The following CNTN1 variants were observed in gnomAD, a reference collection of about 807,000 sequenced individuals.
CNTN1 encodes the protein contactin 1.
A neutral mutation model predicts 126.4 loss-of-function variants in CNTN1; 38 were observed. The ratio of observed to expected loss-of-function variants is 0.30; its 90% CI spans 0.23 to 0.39. The LOEUF (loss-of-function observed/expected upper bound fraction) is 0.39, where lower values mean the gene tolerates loss of function less well. Among genes scored for constraint, CNTN1 ranks in the 10% least tolerant of loss-of-function variants. CNTN1 has a pLI of 1.00. For synonymous variants in CNTN1, 413 were observed against 422.6 expected (o/e 0.98, Z 0.28); for missense variants, 1,009 against 1,248.4 (o/e 0.81, Z 2.89).
chr12:40,863,350 T>C (rs930084523), intron 1 of CNTN1, among the ~76,000 whole-genome samples: 2 of 152,206 alleles, frequency 1.3e-5, no homozygotes, highest in Admixed American at 6.6e-5. Flanking sequence ...AATTCTAAAA[T>C]ACTGTAATTC....
chr12:41,056,932 TATAA>T (rs1236288105), intron 23 of CNTN1, among the ~76,000 whole-genome samples: 5 of 100,962 alleles, frequency 5.0e-5, no homozygotes, highest in African/African-American at 2.1e-4. Flanking sequence ...TTTAGATATT[TATAA>T]ATATTTATAA....
Position 40,895,755 on chromosome 12 carries a change from A to ATT in CNTN1, c.-76-12583_-76-12582dup, listed in dbSNP as rs35784846. Among the ~76,000 whole-genome samples, 20 of 121,714 alleles carry ATT rather than the reference A, an allele frequency of 1.6e-4. No individual in the cohort carries two copies. In the South Asian group the frequency reaches 2.2e-3, roughly 13 times the overall value. 79.8% of individuals were successfully genotyped at this position (121,714 alleles called of 152,430 possible). ...TTAATAGTAATTCTTGTGCTTCAAG[A>ATT]TTTTTTTTTTTTTTTTTTTTGAGAC... On this transcript the variant is annotated intron_variant, in intron 1 of 23. Coordinates refer to ENST00000551295, the MANE Select transcript of CNTN1 (RefSeq NM_001843.4).
intron 1 of CNTN1, among the ~76,000 whole-genome samples, chr12:40,783,876 T>C (rs1939899848): frequency 6.6e-6 from 1 of 152,156 alleles, no homozygotes; most frequent in African/African-American, 2.4e-5. Flanking sequence ...ATGGAAATTA[T>C]ATGTGTAACA....
rs63714262 is a variant in CNTN1 at position 40,862,061 on chromosome 12, GA to G, written c.-76-46285del. 5.8e-4 allele frequency among the ~76,000 whole-genome samples: 85 copies of G among 147,722 alleles called. 2 individuals carry two copies. Among genetic ancestry groups the G allele is most frequent in the South Asian group, 3.9e-3 (18 of 4,636 alleles). On this transcript the variant is annotated intron_variant, in intron 1 of 23. Transcript: ENST00000551295. ...AGGCCCCTGTCTTTACAAAAATAAA[GA>G]AAAAAAAAAATAGCTGGGCTGCACC...
intron 1 of CNTN1, among the ~76,000 whole-genome samples, chr12:40,739,396 G>A (rs758953201): frequency 6.6e-6 from 1 of 152,030 alleles, no homozygotes; most frequent in African/African-American, 2.4e-5. Context: ...ATCACATAAT[G>A]TGCAGCGTTT....
At chr12:40,860,702 C>G (rs1431041889) in intron 1 of CNTN1, among the ~76,000 whole-genome samples, 4 of 152,152 alleles carry the variant, frequency 2.6e-5, no homozygotes. Flanking sequence ...CTTCCATACT[C>G]TCTCTAGGCA....
chr12:41,007,721 G>A (rs1948537978), intron 17 of CNTN1, among the ~76,000 whole-genome samples: 1 of 152,194 alleles, frequency 6.6e-6, no homozygotes, highest in Admixed American at 6.5e-5. Flanking sequence ...CCACTCTAAT[G>A]TTAGCATGCA....
At chr12:40,758,903 C>CT (rs765533501) in intron 1 of CNTN1, among the ~76,000 whole-genome samples, 68 of 140,498 alleles carry the variant, frequency 4.8e-4, no homozygotes, top group Non-Finnish European at 8.1e-4. Flanking sequence ...TATATATATT[C>CT]TTTTTTTTGT....
intron 1 of CNTN1, among the ~76,000 whole-genome samples, chr12:40,903,521 AT>A (rs1334166318): frequency 1.3e-5 from 2 of 151,888 alleles, no homozygotes; most frequent in African/African-American, 4.8e-5. Context: ...TTTCTTCCAC[AT>A]TAGTAGGATG....
In CNTN1 at chr12:40,939,491, T is replaced by A. The variant is rs1946192234; in HGVS notation, c.1379+6T>A. On this transcript the variant is annotated splice_donor_region_variant and intron_variant, in intron 12 of 23. Transcript: ENST00000551295. ...TGGCTTGTCAATAGCAGCAGGTCAG[T>A]GCTGAAACTAGAAATCCAATTGCAA... is the stretch of plus-strand genomic sequence containing the variant. 6.2e-7 allele frequency: 1 copy of A among 1,613,620 alleles called. No homozygotes were observed. Among genetic ancestry groups the A allele is most frequent in the Non-Finnish European group, 8.5e-7 (1 of 1,179,774 alleles).
chr12:40,943,743 G>A lies in CNTN1; in HGVS notation c.1507+19G>A, dbSNP rs145594554. On this transcript the variant is annotated intron_variant, in intron 13 of 23. Transcript: ENST00000551295. ...ATCACAGGTAAGTTAATGTTTGAGG[G>A]TGCTTAATTTCTAATGTATTAAAAA... 6.2e-7 allele frequency: 1 copy of A among 1,611,536 alleles called. No homozygotes were observed. The highest frequency in any genetic ancestry group is 1.7e-5 in the Admixed American group (1 of 59,802).
rs143104393 is a variant in CNTN1 at position 40,804,216 on chromosome 12, A to C, written c.-76-104141A>C. On this transcript the variant is annotated intron_variant, in intron 1 of 23. Transcript: ENST00000551295. ...TTAGGTTGTGGGCTTTGAAATTTCC[A>C]TCTATTCCTTTGAATATAACAGTAA... Among the ~76,000 whole-genome samples the C allele has an allele frequency of 6.8e-3, 1,034 of 152,146 alleles. 11 individuals carry two copies. Among genetic ancestry groups the C allele is most frequent in the Non-Finnish European group, 0.01 (695 of 67,962 alleles).
intron 1 of CNTN1, among the ~76,000 whole-genome samples, chr12:40,902,489 TA>T (rs1197266682): frequency 6.6e-6 from 1 of 152,208 alleles, no homozygotes; most frequent in African/African-American, 2.4e-5. Context: ...TTAGGTTAAA[TA>T]TTTTTTTAAA....
chr12:40,727,436 C>A (rs1405177390), intron 1 of CNTN1, among the ~76,000 whole-genome samples: 7 of 149,756 alleles, frequency 4.7e-5, no homozygotes, highest in Non-Finnish European at 7.4e-5. Context: ...AAATGTACAT[C>A]ACAGATTAAA....
intron 21 of CNTN1, 52 bp downstream of exon 21, chr12:41,025,388 A>G (rs1949016620): frequency 6.4e-7 from 1 of 1,553,354 alleles, no homozygotes; most frequent in Non-Finnish European, 8.9e-7. Context: ...ACTGGATTCA[A>G]TCATGATACG....
intron 1 of CNTN1, among the ~76,000 whole-genome samples, chr12:40,786,766 C>T (rs1025744319): frequency 3.3e-5 from 5 of 152,140 alleles, no homozygotes; most frequent in Non-Finnish European, 7.4e-5. Context: ...CTGATAACTT[C>T]TAAATTGCAA....
chr12:40,759,774 A>ATTT (rs33992864), intron 1 of CNTN1, among the ~76,000 whole-genome samples: 128 of 133,572 alleles, frequency 9.6e-4, no homozygotes, highest in Non-Finnish European at 1.3e-3. Context: ...TGGCCCAGAT[A>ATTT]TTTTTTTTTT....
At chr12:40,692,813 G>T (rs1218635755) in intron 1 of CNTN1, among the ~76,000 whole-genome samples, 1 of 152,174 alleles carries the variant, frequency 6.6e-6, no homozygotes, top group Non-Finnish European at 1.5e-5. Flanking sequence ...GCCGGGCAAG[G>T]CAGGACGGCA....
chr12:40,887,548 A>G (rs1264750673), intron 1 of CNTN1, among the ~76,000 whole-genome samples: 1 of 152,078 alleles, frequency 6.6e-6, no homozygotes, highest in Non-Finnish European at 1.5e-5. Flanking sequence ...AAATAGGAAC[A>G]CTTTTACACT....
Sources: allele counts gnomAD v4.1 joint callset (sites outside exome capture counted in the v4.1 genomes callset), GRCh38; gene constraint gnomAD v4.1.1; transcripts MANE v1.5; gene names NCBI Gene and HGNC (gene_info 2026-07-23, HGNC 2026-07-21).